DSCAM: variants seen among roughly 807,000 people sequenced by gnomAD.
The protein encoded by DSCAM is DS cell adhesion molecule.
DSCAM carries 47 observed loss-of-function variants against 217.7 expected under a neutral mutation model. The observed-to-expected ratio is 0.22, with a 90% CI of 0.17 to 0.28. The LOEUF (loss-of-function observed/expected upper bound fraction) is 0.28. Ranked by LOEUF, DSCAM falls within the 10% of genes least tolerant of loss-of-function variation. The pLI, the probability that DSCAM is intolerant of heterozygous loss-of-function variation, is 1.00. For missense variants in DSCAM, 2,080 were observed against 2,618.3 expected, an observed-to-expected ratio of 0.79 and a Z score of 4.49; for synonymous variants, 1,056 against 1,015.3, an observed-to-expected ratio of 1.04 and a Z score of -0.76.
intron 3 of DSCAM, among the ~76,000 whole-genome samples, chr21:40,417,701 CAG>C (rs1016655984): frequency 2.0e-5 from 3 of 152,032 alleles, no homozygotes; most frequent in African/African-American, 7.2e-5. Flanking sequence ...CAATTTAATT[CAG>C]TTTAACTTAG....
chr21:40,105,258 A>AT, intron 20 of DSCAM, among the ~76,000 whole-genome samples: 1 of 152,338 alleles, frequency 6.6e-6, no homozygotes, highest in South Asian at 2.1e-4. Context: ...ACTGAGAACA[A>AT]TATGAGAAGA....
At chr21:40,354,818 C>T (rs761369528) in intron 4 of DSCAM, among the ~76,000 whole-genome samples, 3 of 138,368 alleles carry the variant, frequency 2.2e-5, no homozygotes, top group East Asian at 2.2e-4. Flanking sequence ...CACTGCAGTC[C>T]GGCCTGGGTG....
At chr21:40,367,597 T>G (rs1206526970) in intron 4 of DSCAM, among the ~76,000 whole-genome samples, 13 of 152,226 alleles carry the variant, frequency 8.5e-5, no homozygotes, top group Admixed American at 8.5e-4. Context: ...CTTCCTCAAC[T>G]GCTTTATTAA....
chr21:40,162,795 A>C (rs1482900713), intron 16 of DSCAM, among the ~76,000 whole-genome samples: 5 of 152,158 alleles, frequency 3.3e-5, no homozygotes, highest in Admixed American at 2.0e-4. Context: ...CCAAATGGTA[A>C]AATTATTCTC....
intron 1 of DSCAM, among the ~76,000 whole-genome samples, chr21:40,719,156 C>G (rs1202806707): frequency 2.0e-5 from 3 of 152,098 alleles, no homozygotes; most frequent in Admixed American, 1.3e-4. Flanking sequence ...AAGGTGTGAA[C>G]AGTCACTTCA....
At chr21:40,471,534 T>A (rs1374327255) in intron 3 of DSCAM, among the ~76,000 whole-genome samples, 2 of 152,160 alleles carry the variant, frequency 1.3e-5, no homozygotes, top group Non-Finnish European at 2.9e-5. Flanking sequence ...AATAATGTAA[T>A]CCTCCACAAC....
chr21:40,731,218 C>T (rs1291678778), intron 1 of DSCAM, among the ~76,000 whole-genome samples: 3 of 152,154 alleles, frequency 2.0e-5, no homozygotes, highest in Non-Finnish European at 4.4e-5. Flanking sequence ...CTAGTATTAA[C>T]TTTGTTGTAT....
chr21:40,600,989 G>A (rs1365295006), intron 3 of DSCAM, among the ~76,000 whole-genome samples: 1 of 152,172 alleles, frequency 6.6e-6, no homozygotes, highest in Non-Finnish European at 1.5e-5. Flanking sequence ...TTCTTCTACA[G>A]TATCTCCTTG....
At chr21:40,014,216 C>G (rs2088115222) in intron 32 of DSCAM, among the ~76,000 whole-genome samples, 2 of 152,176 alleles carry the variant, frequency 1.3e-5, no homozygotes, top group South Asian at 4.1e-4. Context: ...CATGGCAAAA[C>G]CCCCTCTCTA....
intron 3 of DSCAM, among the ~76,000 whole-genome samples, chr21:40,635,049 G>C (rs1201540608): frequency 6.6e-6 from 1 of 152,178 alleles, no homozygotes; most frequent in East Asian, 1.9e-4. Flanking sequence ...ATAGCACCAG[G>C]TACAGATGAG....
chr21:40,102,106 T>G (rs146529609), intron 20 of DSCAM, among the ~76,000 whole-genome samples: 1 of 152,136 alleles, frequency 6.6e-6, no homozygotes, highest in Admixed American at 6.5e-5. Context: ...TAATTTAAAA[T>G]GAGGCACCAT....
chr21:40,595,298 C>T (rs1335016341), intron 3 of DSCAM, among the ~76,000 whole-genome samples: 1 of 151,572 alleles, frequency 6.6e-6, no homozygotes, highest in Non-Finnish European at 1.5e-5. Context: ...GGATCACTTG[C>T]GCCCAGGAGA....
chr21:40,584,801 A>G (rs992703488), intron 3 of DSCAM, among the ~76,000 whole-genome samples: 1 of 152,194 alleles, frequency 6.6e-6, no homozygotes, highest in African/African-American at 2.4e-5. Context: ...CCACAGATAC[A>G]AGAACACTGA....
intron 4 of DSCAM, among the ~76,000 whole-genome samples, chr21:40,357,130 C>T (rs1441248744): frequency 6.6e-6 from 1 of 152,160 alleles, no homozygotes; most frequent in Non-Finnish European, 1.5e-5. Context: ...ATATGCATGA[C>T]TATAGGGCTC....
intron 14 of DSCAM, among the ~76,000 whole-genome samples, chr21:40,186,775 C>G (rs7280195): frequency 0.07 from 10,710 of 152,172 alleles, 1,186 homozygotes; most frequent in African/African-American, 0.24. Flanking sequence ...TCACCCAGCT[C>G]GGGAAACGGG....
intron 19 of DSCAM, among the ~76,000 whole-genome samples, chr21:40,127,876 G>A (rs1190953336): frequency 6.6e-6 from 1 of 152,116 alleles, no homozygotes; most frequent in Non-Finnish European, 1.5e-5. Flanking sequence ...CTCTGTTTCA[G>A]TTCCCTGAAC....
At chr21:40,650,012 T>C (rs986337082) in intron 3 of DSCAM, among the ~76,000 whole-genome samples, 1 of 151,910 alleles carries the variant, frequency 6.6e-6, no homozygotes, top group Non-Finnish European at 1.5e-5. Context: ...ACAGAGGAGG[T>C]CATAAGGCTG....
chr21:40,216,489 A>G (rs1170770079), intron 11 of DSCAM, among the ~76,000 whole-genome samples: 1 of 152,172 alleles, frequency 6.6e-6, no homozygotes, highest in Non-Finnish European at 1.5e-5. Flanking sequence ...CTCTAGAGGC[A>G]AAGTCCGTCT....
intron 2 of DSCAM, among the ~76,000 whole-genome samples, chr21:40,701,655 T>C (rs1384073170): frequency 1.3e-5 from 2 of 149,482 alleles, no homozygotes; most frequent in African/African-American, 5.1e-5. Context: ...TCTAATTTCC[T>C]TCTTCAAATT....
Sources: gnomAD v4.1 joint callset for allele counts (sites outside exome capture counted in the v4.1 genomes callset) on GRCh38, gnomAD v4.1.1 for gene constraint, MANE v1.5 for transcripts, NCBI Gene and HGNC (gene_info 2026-07-23, HGNC 2026-07-21) for gene names.